Variants in SH3PXD2A observed in about 807,000 individuals in gnomAD.
SH3PXD2A encodes SH3 and PX domains 2A.
In SH3PXD2A, 32 loss-of-function variants were observed where a neutral mutation model predicts 115.2. The observed-to-expected ratio is 0.28, with a 90% CI of 0.21 to 0.37. The LOEUF (loss-of-function observed/expected upper bound fraction) is 0.37. Ranked by LOEUF, SH3PXD2A falls within the 10% of genes least tolerant of loss-of-function variation. The pLI is 1.00. For synonymous variants in SH3PXD2A, 610 were observed against 629.1 expected (o/e 0.97, Z 0.45); for missense variants, 1,328 against 1,498.7 (o/e 0.89, Z 1.88).
At chr10:103,771,413 C>T (rs376214779) in intron 2 of SH3PXD2A, among the ~76,000 whole-genome samples, 1 of 152,254 alleles carries the variant, frequency 6.6e-6, no homozygotes, top group South Asian at 2.1e-4. Flanking sequence ...TTCTGTATGC[C>T]TTCTCCATGT....
intron 1 of SH3PXD2A, among the ~76,000 whole-genome samples, chr10:103,801,781 G>A (rs924476143): frequency 2.0e-5 from 3 of 151,844 alleles, no homozygotes; most frequent in Middle Eastern, 3.2e-3. Flanking sequence ...TCGGTTTACC[G>A]CAACCTCTGC....
rs1564847812 is a variant in SH3PXD2A at position 103,627,070 on chromosome 10, TG to T, written c.718+18del. The T allele has an allele frequency of 7.0e-7, 1 of 1,436,202 alleles. No individual in the cohort carries two copies. Among genetic ancestry groups the T allele is most frequent in the East Asian group, 2.3e-5 (1 of 44,006 alleles). The allele number at this position is 1,436,202 out of a possible 1,614,324, so 89.0% of individuals were successfully genotyped here. ...AGAGGCCGCGTTGCTCCCTGCCCCT[TG>T]GACCTGCAAGCCCTCACCTTCTCCA... On this transcript the variant is annotated intron_variant, in intron 9 of 14. Transcript: ENST00000369774. The surrounding 1 kb of genome is among the most constrained non-coding windows in gnomAD (Gnocchi z 4.4).
At chr10:103,834,615 A>G (rs919186688) in intron 1 of SH3PXD2A, among the ~76,000 whole-genome samples, 4 of 152,254 alleles carry the variant, frequency 2.6e-5, no homozygotes, top group East Asian at 1.9e-4. Context: ...GAGGGAGCCA[A>G]CTGCTTCGGC....
At chr10:103,614,216 C>T (rs922676847) in intron 11 of SH3PXD2A, among the ~76,000 whole-genome samples, 3 of 151,888 alleles carry the variant, frequency 2.0e-5, no homozygotes, top group African/African-American at 7.3e-5. Flanking sequence ...GATCATACCA[C>T]TGCACTCCAC....
chr10:103,819,021 T>C (rs887488658), intron 1 of SH3PXD2A, among the ~76,000 whole-genome samples: 4 of 152,234 alleles, frequency 2.6e-5, no homozygotes, highest in African/African-American at 7.2e-5. Context: ...CGGGCTTCCT[T>C]TGTTTTCTCT....
chr10:103,851,554 C>A (rs1343725780), intron 1 of SH3PXD2A, among the ~76,000 whole-genome samples: 2 of 152,188 alleles, frequency 1.3e-5, no homozygotes, highest in Non-Finnish European at 2.9e-5. Context: ...GCTAACCTGA[C>A]CTGCATTGCC....
Position 103,693,042 on chromosome 10 carries a change from G to A in SH3PXD2A, c.413C>T (p.Ser138Phe), listed in dbSNP as rs759297756. Residue 138 changes from serine to phenylalanine, a missense_variant, in exon 6 of 15, where the codon TCC becomes TTC. Ser to Phe is a radical substitution (Grantham distance 155). Transcript: ENST00000369774. ...VNPPKEDYGS[S>F]KRKSVWLSSW... ...GGCTCCCTTACCTGATTTCCTCTTGGAACTGCCATAGTCCCTGAAAAAGAA... is the reference window on the plus strand; with the variant it reads ...GGCTCCCTTACCTGATTTCCTCTTGAAACTGCCATAGTCCCTGAAAAAGAA... 1 of 1,613,428 alleles carries A rather than the reference G, an allele frequency of 6.2e-7. No homozygotes were observed. Among genetic ancestry groups the A allele is most frequent in the African/African-American group, 1.3e-5 (1 of 74,898 alleles).
Position 103,688,484 on chromosome 10 carries a change from G to A in SH3PXD2A, c.427+4544C>T, listed in dbSNP as rs140991247. Among the ~76,000 whole-genome samples, 341 of 152,322 alleles carry A rather than the reference G, an allele frequency of 2.2e-3. 1 individual carries two copies. Among genetic ancestry groups the A allele is most frequent in the African/African-American group, 7.5e-3 (311 of 41,568 alleles). On this transcript the variant is annotated intron_variant, in intron 6 of 14. Transcript: ENST00000369774. ...GGAGGGAAGAAGAGGAGTAATCTGC[G>A]GGGGAGGCTGGACAGTGCAGGATCA...
rs933997565 is a variant in SH3PXD2A, at chr10:103,627,360, G to A, written c.605-158C>T. On this transcript the variant is annotated intron_variant, in intron 8 of 14. Transcript: ENST00000369774. The surrounding 1 kb of genome is among the most constrained non-coding windows in gnomAD (Gnocchi z 4.4). Reference sequence around the variant, plus strand: ...AAATGCCTGGCCCAGCTCCAGCCTCGAGGAGCCTGCGTCTGTTCTAAGGCA... The same window carrying A: ...AAATGCCTGGCCCAGCTCCAGCCTCAAGGAGCCTGCGTCTGTTCTAAGGCA... Among the ~76,000 whole-genome samples the A allele has an allele frequency of 2.0e-5, 3 of 152,232 alleles. No individual in the cohort carries two copies. The highest frequency in any genetic ancestry group is 2.9e-5 in the Non-Finnish European group (2 of 68,048).
chr10:103,626,306 G>A (rs1385095630), intron 9 of SH3PXD2A, among the ~76,000 whole-genome samples: 1 of 152,242 alleles, frequency 6.6e-6, no homozygotes, highest in Non-Finnish European at 1.5e-5. Flanking sequence ...GGTGGCCCGA[G>A]CACCGGGTGG....
chr10:103,766,984 C>T, intron 3 of SH3PXD2A, 110 bp downstream of exon 3: 1 of 775,382 alleles, frequency 1.3e-6, no homozygotes, highest in Non-Finnish European at 2.2e-6. Flanking sequence ...ATGCAGATTC[C>T]TGGGCATGCC....
intron 6 of SH3PXD2A, among the ~76,000 whole-genome samples, chr10:103,676,999 T>C (rs1370095697): frequency 6.6e-6 from 1 of 152,144 alleles, no homozygotes; most frequent in Non-Finnish European, 1.5e-5. Context: ...GGCTGGGCAG[T>C]GGGATGAAGT....
At chr10:103,606,195 CATCATCATCATCATCATCATCATCATT>C (rs2036298503) in intron 13 of SH3PXD2A, among the ~76,000 whole-genome samples, 1 of 150,820 alleles carries the variant, frequency 6.6e-6, no homozygotes, top group African/African-American at 2.4e-5. Context: ...TCATCATCAT[CATCATCATCATCATCATCATCATCATT>C]ACTCTGAGAT....
intron 8 of SH3PXD2A, among the ~76,000 whole-genome samples, chr10:103,645,258 G>A (rs1254759417): frequency 6.6e-6 from 1 of 152,220 alleles, no homozygotes. Flanking sequence ...TGCGGGATCA[G>A]CACTGGGCAT....
chr10:103,788,100 C>A (rs1314646779), intron 2 of SH3PXD2A, among the ~76,000 whole-genome samples: 2 of 152,134 alleles, frequency 1.3e-5, no homozygotes, highest in Non-Finnish European at 2.9e-5. Flanking sequence ...GGATCGGAGC[C>A]CCTTCCCCTC....
rs77129833 is a variant in SH3PXD2A, at chr10:103,614,636, T to G, written c.921-1446A>C. On this transcript the variant is annotated intron_variant, in intron 11 of 14. Coordinates refer to ENST00000369774, the MANE Select transcript of SH3PXD2A (RefSeq NM_001394015.1). Reference sequence around the variant, plus strand: ...TCACCCAAACCCATGGGGACTTCACTTCCTGGTCCAGTAGTCGCTGGCCAG... The same window carrying G: ...TCACCCAAACCCATGGGGACTTCACGTCCTGGTCCAGTAGTCGCTGGCCAG... 8.8e-3 allele frequency among the ~76,000 whole-genome samples: 1,339 copies of G among 152,304 alleles called. 22 individuals are homozygous for G. The highest frequency in any genetic ancestry group is 0.031 in the African/African-American group (1,282 of 41,556).
intron 4 of SH3PXD2A, among the ~76,000 whole-genome samples, chr10:103,734,933 C>T (rs907782322): frequency 1.3e-5 from 2 of 152,216 alleles, no homozygotes; most frequent in Admixed American, 6.5e-5. Flanking sequence ...TCATGACCAC[C>T]GTGTGGAGGC....
intron 1 of SH3PXD2A, among the ~76,000 whole-genome samples, chr10:103,801,902 C>T (rs1389759638): frequency 6.6e-6 from 1 of 152,166 alleles, no homozygotes; most frequent in African/African-American, 2.4e-5. Flanking sequence ...CGGGGTTTCG[C>T]CATGTTGGCC....
intron 4 of SH3PXD2A, among the ~76,000 whole-genome samples, chr10:103,733,760 T>G (rs2038349830): frequency 6.6e-6 from 1 of 152,158 alleles, no homozygotes; most frequent in African/African-American, 2.4e-5. Context: ...TAAACATTTT[T>G]TATTTATTTT....
Sources: gnomAD v4.1 joint callset for allele counts (sites outside exome capture counted in the v4.1 genomes callset) on GRCh38, gnomAD v4.1.1 for gene constraint, Gnocchi (gnomAD v3.1) non-coding constraint, MANE v1.5 for transcripts, NCBI Gene and HGNC (gene_info 2026-07-23, HGNC 2026-07-21) for gene names.